The following KARS1 variants were observed in gnomAD, a reference collection of about 807,000 sequenced individuals.
KARS1 encodes lysyl-tRNA synthetase 1.
Under a neutral mutation model 63.9 loss-of-function variants are expected in KARS1, and 50 were observed. The observed-to-expected ratio is 0.78, with a 90% CI of 0.62 to 0.99. The LOEUF (loss-of-function observed/expected upper bound fraction) is 0.99. Among genes scored for constraint, KARS1 ranks in the 50% least tolerant of loss-of-function variants. The pLI is 0.00. For synonymous variants in KARS1, 320 were observed against 264.6 expected (o/e 1.21, Z -2.03); for missense variants, 816 against 754.5 (o/e 1.08, Z -0.95).
intron 12 of KARS1, 53 bp downstream of exon 12, chr16:75,629,362 C>G (rs1200335337): frequency 2.3e-5 from 37 of 1,610,366 alleles, no homozygotes; most frequent in Admixed American, 1.5e-4. Context: ...AGGGTTAAGG[C>G]TGGTATTTCC....
intron 6 of KARS1, 107 bp from the exon 7 acceptor site, chr16:75,634,399 T>G: frequency 8.8e-7 from 1 of 1,137,060 alleles, no homozygotes; most frequent in South Asian, 1.3e-5. Flanking sequence ...CCAAACTAAA[T>G]GTTAATAAGT....
intron 7 of KARS1, 29 bp downstream of exon 7, chr16:75,634,144 A>T: frequency 6.2e-7 from 1 of 1,611,462 alleles, no homozygotes; most frequent in South Asian, 1.1e-5. Flanking sequence ...TGCTTCTTTA[A>T]GGGAAAAGGG....
In KARS1 at chr16:75,647,566, A is replaced by T; in HGVS notation, c.62+12T>A. ...TACCGCAAAGGCTTTAAAGACTCGC[A>T]GCGACACTCACTTCTTGCTCAGTTT... On this transcript the variant is annotated intron_variant, in intron 1 of 13. Transcript: ENST00000302445. 3 of 1,612,274 alleles carry T rather than the reference A, an allele frequency of 1.9e-6. No homozygotes were observed. Among genetic ancestry groups the T allele is most frequent in the Non-Finnish European group, 2.5e-6 (3 of 1,178,940 alleles).
At chr16:75,642,185 C>CTTTTTTT (rs148991591) in intron 1 of KARS1, among the ~76,000 whole-genome samples, 18 of 63,198 alleles carry the variant, frequency 2.8e-4, no homozygotes, top group East Asian at 2.0e-3. Flanking sequence ...AGTGCCAGGT[C>CTTTTTTT]TTTTTTTTTT....
rs1567496962 is a variant in KARS1, at chr16:75,627,864, C to A, written c.*31G>T. 8.1e-7 allele frequency: 1 copy of A among 1,234,670 alleles called. No individual in the cohort carries two copies. Among genetic ancestry groups the A allele is most frequent in the Non-Finnish European group, 1.2e-6 (1 of 834,218 alleles). The allele number at this position is 1,234,670 out of a possible 1,614,324, so 76.5% of individuals were successfully genotyped here. A position where few individuals can be genotyped will look rare whatever the true frequency, so the allele number is the denominator to read the frequency against. ...GATCTTTCGCAGAAATGCAAAGACGCCTGAGTTATACAACTTGCAATTATT... is the reference window on the plus strand; with the variant it reads ...GATCTTTCGCAGAAATGCAAAGACGACTGAGTTATACAACTTGCAATTATT... On this transcript the variant is annotated 3_prime_UTR_variant, in exon 14 of 14. Transcript: ENST00000302445.
intron 7 of KARS1, among the ~76,000 whole-genome samples, chr16:75,632,780 C>T (rs969822010): frequency 2.0e-5 from 3 of 152,134 alleles, no homozygotes; most frequent in Non-Finnish European, 4.4e-5. Context: ...TGTTGGGATT[C>T]ACTCAGGATG....
At chr16:75,628,046 T>G in intron 13 of KARS1, 53 bp from the exon 14 acceptor site, 1 of 1,022,362 alleles carries the variant, frequency 9.8e-7, no homozygotes, top group Non-Finnish European at 1.6e-6. Context: ...CAACATTTTT[T>G]CACAGCTATC....
chr16:75,640,675 CACTT>C (rs1299387247), intron 2 of KARS1, among the ~76,000 whole-genome samples: 1 of 152,204 alleles, frequency 6.6e-6, no homozygotes, highest in Non-Finnish European at 1.5e-5. Context: ...TGAGTCGAGT[CACTT>C]ACGTTCTTAA....
At chr16:75,631,124 C>T (rs1292871037) in intron 10 of KARS1, 44 bp downstream of exon 10, 1 of 1,501,150 alleles carries the variant, frequency 6.7e-7, no homozygotes, top group Admixed American at 1.7e-5. Context: ...GGGAACCATT[C>T]AGCACCAGAT....
rs759723301 is a variant in KARS1, at chr16:75,634,082, T to G, written c.915+91A>C. On this transcript the variant is annotated intron_variant, in intron 7 of 13. Transcript: ENST00000302445. ...ACTTTCTTGGCTGCTTTACTCTCTC[T>G]GTTCCTCTTATTTCTGACTATACCC... is the stretch of plus-strand genomic sequence containing the variant. 4.2e-4 allele frequency: 585 copies of G among 1,393,930 alleles called. 2 individuals are homozygous for G. In the Middle Eastern group the frequency reaches 4.6e-3, roughly 11 times the overall value. 86.3% of individuals were successfully genotyped at this position (1,393,930 alleles called of 1,614,324 possible). A position where few individuals can be genotyped will look rare whatever the true frequency, so the allele number is the denominator to read the frequency against.
chr16:75,638,246 C>A (rs1405286430), intron 3 of KARS1, among the ~76,000 whole-genome samples: 1 of 149,598 alleles, frequency 6.7e-6, no homozygotes, highest in African/African-American at 2.5e-5. Flanking sequence ...ACTTTAAGTT[C>A]TGGGACACAT....
chr16:75,636,416 C>T, intron 4 of KARS1, 38 bp downstream of exon 4: 1 of 1,345,194 alleles, frequency 7.4e-7, no homozygotes, highest in Non-Finnish European at 1.1e-6. Flanking sequence ...TGCTCTAGGC[C>T]AACCAAGAAA....
Position 75,631,171 on chromosome 16 carries a change from G to C in KARS1, c.1335C>G (p.Asp445Glu), listed in dbSNP as rs751474072. 11 of 1,613,030 alleles carry C rather than the reference G, an allele frequency of 6.8e-6. No homozygotes were observed. The highest frequency in any genetic ancestry group is 9.3e-6 in the Non-Finnish European group (11 of 1,179,272). The change falls in exon 10 of 14, where the codon GAC becomes GAG. Residue 445 changes from aspartate to glutamate, a missense_variant. Transcript: ENST00000302445. ...PPPRTTARLL[D>E]KLVGEFLEVT... ...CAAGAAGGCAGGGCCTTCTCACCTT[G>C]TCAAGGAGCCTGGCTGTGGTCCGAG...
intron 1 of KARS1, chr16:75,644,281 A>G: frequency 1.3e-6 from 2 of 1,596,522 alleles, no homozygotes; most frequent in Non-Finnish European, 1.7e-6. Context: ...ATGGGCACCA[A>G]CCTTCTTTGA....
At position 75,647,626 on chromosome 16, in the gene KARS1, T is replaced by G; in HGVS notation, c.14A>C (p.Gln5Pro). 1 of 1,613,692 alleles carries G rather than the reference T, an allele frequency of 6.2e-7. No homozygotes were observed. The highest frequency in any genetic ancestry group is 8.5e-7 in the Non-Finnish European group (1 of 1,179,772). The part of the protein sequence containing the change: MAAV[Q>P]AAEVKVDGSE... The stretch of plus-strand genomic sequence containing the variant: ...GCCATCCACTTTCACCTCGGCCGCC[T>G]GCACGGCCGCCATCTTCCCGGAGGG... Residue 5 changes from glutamine (Q) to proline (P), a missense_variant, in exon 1 of 14, where the codon CAG (glutamine) becomes CCG (proline). By Grantham distance (76) the Gln-to-Pro change is moderately conservative (BLOSUM62 -1). Transcript: ENST00000302445.
At chr16:75,642,449 AC>A (rs1448673286) in intron 1 of KARS1, among the ~76,000 whole-genome samples, 1 of 151,884 alleles carries the variant, frequency 6.6e-6, no homozygotes, top group Non-Finnish European at 1.5e-5. Flanking sequence ...TGATCTGCCC[AC>A]CTTGGCCTCC....
intron 1 of KARS1, among the ~76,000 whole-genome samples, chr16:75,645,930 C>T (rs193194016): frequency 1.1e-4 from 17 of 151,654 alleles, no homozygotes; most frequent in African/African-American, 4.1e-4. Flanking sequence ...AACTGGAAAC[C>T]GTGCTTTCAC....
rs563321593 is a variant in KARS1 at position 75,632,985 on chromosome 16, C to T, written c.916-1130G>A. 2.0e-5 allele frequency among the ~76,000 whole-genome samples: 3 copies of T among 152,282 alleles called. No individual in the cohort carries two copies. In the South Asian group the frequency reaches 6.2e-4, roughly 32 times the overall value. On this transcript the variant is annotated intron_variant, in intron 7 of 13. Transcript: ENST00000302445. Reference sequence around the variant, plus strand: ...TCCCCAGTTAAGTCTGTTTACCCTACCTCCATTAACTAACCTTTCAGCCAG... The same window carrying T: ...TCCCCAGTTAAGTCTGTTTACCCTATCTCCATTAACTAACCTTTCAGCCAG...
At chr16:75,646,413 C>T (rs1285953123) in intron 1 of KARS1, among the ~76,000 whole-genome samples, 3 of 151,928 alleles carry the variant, frequency 2.0e-5, no homozygotes, top group Non-Finnish European at 4.4e-5. Flanking sequence ...TGGTGGCACA[C>T]GCCTGTAATC....
Sources: allele counts gnomAD v4.1 joint callset (sites outside exome capture counted in the v4.1 genomes callset), GRCh38; gene constraint gnomAD v4.1.1; transcripts MANE v1.5; gene names NCBI Gene and HGNC (gene_info 2026-07-23, HGNC 2026-07-21).